Variants in SSBP2 observed in about 807,000 individuals in gnomAD.
The protein encoded by SSBP2 is single stranded DNA binding protein 2, also known as single-stranded DNA-binding protein 2.
SSBP2 carries 17 observed loss-of-function variants against 61.8 expected under a neutral mutation model. That is an observed-to-expected ratio of 0.28 (90% CI 0.19 to 0.41). SSBP2 has a LOEUF of 0.41. Ranked by LOEUF, SSBP2 falls within the 10% of genes least tolerant of loss-of-function variation. SSBP2 has a pLI of 1.00. For synonymous variants in SSBP2, 139 were observed against 141.3 expected (o/e 0.98, Z 0.12); for missense variants, 310 against 458.7 (o/e 0.68, Z 2.96).
intron 1 of SSBP2, among the ~76,000 whole-genome samples, chr5:81,661,638 G>A (rs1400834332): frequency 6.6e-6 from 1 of 151,862 alleles, no homozygotes; most frequent in Non-Finnish European, 1.5e-5. Context: ...TTGGCCATTG[G>A]TATGTTTTAT....
At chr5:81,680,792 G>A (rs1752325699) in intron 1 of SSBP2, among the ~76,000 whole-genome samples, 1 of 152,134 alleles carries the variant, frequency 6.6e-6, no homozygotes, top group African/African-American at 2.4e-5. Context: ...ACTACAAGGA[G>A]AAATAGATGA....
intron 1 of SSBP2, among the ~76,000 whole-genome samples, chr5:81,668,062 T>C (rs1359008618): frequency 1.3e-5 from 2 of 151,784 alleles, no homozygotes; most frequent in Non-Finnish European, 2.9e-5. Context: ...AGGTAATGAG[T>C]TACCTTTTCC....
intron 16 of SSBP2, among the ~76,000 whole-genome samples, chr5:81,426,963 A>G (rs1561382917): frequency 6.6e-6 from 1 of 152,228 alleles, no homozygotes; most frequent in South Asian, 2.1e-4. Context: ...CGTTTTAGTT[A>G]TATCAACATC....
chr5:81,480,078 CA>C (rs1266086902), intron 6 of SSBP2, among the ~76,000 whole-genome samples: 36 of 152,176 alleles, frequency 2.4e-4, no homozygotes, highest in Admixed American at 2.0e-3. Flanking sequence ...TAACATATTC[CA>C]AAAGTTCTGA....
At chr5:81,703,094 T>C (rs1754105260) in intron 1 of SSBP2, among the ~76,000 whole-genome samples, 2 of 152,212 alleles carry the variant, frequency 1.3e-5, no homozygotes, top group African/African-American at 4.8e-5. Flanking sequence ...GTGGCTACTT[T>C]GCTAAAGTGG....
intron 10 of SSBP2, among the ~76,000 whole-genome samples, chr5:81,457,664 A>AT (rs1764252876): frequency 2.0e-5 from 3 of 151,968 alleles, no homozygotes; most frequent in African/African-American, 7.3e-5. Context: ...AAAAACACAA[A>AT]ATTTTTTTTT....
intron 6 of SSBP2, among the ~76,000 whole-genome samples, chr5:81,488,046 T>TA (rs1766547212): frequency 5.1e-5 from 2 of 39,060 alleles, no homozygotes; most frequent in Non-Finnish European, 9.3e-5. Flanking sequence ...TATATATATA[T>TA]ATATATATAT....
chr5:81,729,756 T>C lies in SSBP2; in HGVS notation c.62+21225A>G, dbSNP rs193121436. Among the ~76,000 whole-genome samples the C allele has an allele frequency of 1.9e-4, 29 of 152,306 alleles. No homozygotes were observed. In the East Asian group the frequency reaches 4.4e-3, roughly 23 times the overall value. ...TTATATTTATTTTTAATATTCTTGATTGAAAAGTAATTGTATACATTTATG... is the reference window on the plus strand; with the variant it reads ...TTATATTTATTTTTAATATTCTTGACTGAAAAGTAATTGTATACATTTATG... On this transcript the variant is annotated intron_variant, in intron 1 of 16. Coordinates refer to ENST00000320672, the MANE Select transcript of SSBP2 (RefSeq NM_012446.5).
chr5:81,555,662 A>G (rs1772535505), intron 4 of SSBP2, among the ~76,000 whole-genome samples: 1 of 152,166 alleles, frequency 6.6e-6, no homozygotes, highest in South Asian at 2.1e-4. Flanking sequence ...TACAAAAATC[A>G]GAAAACACAT....
intron 4 of SSBP2, among the ~76,000 whole-genome samples, chr5:81,574,270 A>C (rs1314694290): frequency 6.6e-6 from 1 of 152,186 alleles, no homozygotes; most frequent in Non-Finnish European, 1.5e-5. Context: ...GGACTAAAAA[A>C]CACAATCACC....
At chr5:81,743,794 ACT>A (rs1327152161) in intron 1 of SSBP2, among the ~76,000 whole-genome samples, 1 of 152,158 alleles carries the variant, frequency 6.6e-6, no homozygotes, top group African/African-American at 2.4e-5. Flanking sequence ...CTGCCTTTAC[ACT>A]TGAGTGTGTA....
chr5:81,650,141 T>G, intron 2 of SSBP2, 126 bp downstream of exon 2: 1 of 630,824 alleles, frequency 1.6e-6, no homozygotes, highest in Non-Finnish European at 2.7e-6. Context: ...AACTATACTA[T>G]GTATACGGAT....
intron 1 of SSBP2, among the ~76,000 whole-genome samples, chr5:81,688,739 A>T (rs1753000059): frequency 6.6e-6 from 1 of 152,172 alleles, no homozygotes; most frequent in African/African-American, 2.4e-5. Context: ...ATACCTGAAA[A>T]GCCTTCCCAA....
At chr5:81,588,909 C>T (rs763509436) in intron 4 of SSBP2, among the ~76,000 whole-genome samples, 2 of 151,948 alleles carry the variant, frequency 1.3e-5, no homozygotes, top group Non-Finnish European at 2.9e-5. Context: ...ACAAAAAATA[C>T]AAAAATTAGC....
At chr5:81,482,804 C>T (rs1766092611) in intron 6 of SSBP2, among the ~76,000 whole-genome samples, 1 of 152,138 alleles carries the variant, frequency 6.6e-6, no homozygotes, top group Non-Finnish European at 1.5e-5. Flanking sequence ...AGAACTTTTC[C>T]TTTGCATTCC....
intron 6 of SSBP2, among the ~76,000 whole-genome samples, chr5:81,484,038 A>G (rs1486014481): frequency 2.0e-5 from 3 of 152,152 alleles, no homozygotes; most frequent in African/African-American, 4.8e-5. Context: ...CAGCTCCACA[A>G]GAGAGATTTT....
intron 1 of SSBP2, among the ~76,000 whole-genome samples, chr5:81,711,887 T>C (rs1314977274): frequency 6.6e-6 from 1 of 151,932 alleles, no homozygotes; most frequent in Admixed American, 6.6e-5. Context: ...TTTCCTCACC[T>C]GTAAAGGGAG....
At chr5:81,643,728 G>A (rs1023580952) in intron 2 of SSBP2, among the ~76,000 whole-genome samples, 6 of 147,636 alleles carry the variant, frequency 4.1e-5, no homozygotes, top group Admixed American at 1.4e-4. Context: ...TCAGCCTCCC[G>A]AGTAGCTGGG....
At chr5:81,480,803 T>C (rs866943804) in intron 6 of SSBP2, among the ~76,000 whole-genome samples, 1 of 152,250 alleles carries the variant, frequency 6.6e-6, no homozygotes, top group African/African-American at 2.4e-5. Flanking sequence ...TGCTGTTTGA[T>C]ACCACAGTAG....
Sources: allele counts gnomAD v4.1 joint callset (sites outside exome capture counted in the v4.1 genomes callset), GRCh38; gene constraint gnomAD v4.1.1; transcripts MANE v1.5; gene names NCBI Gene and HGNC (gene_info 2026-07-23, HGNC 2026-07-21).